The following CNTN5 variants were observed in gnomAD, a reference collection of about 807,000 sequenced individuals.
The protein encoded by CNTN5 is contactin-5.
CNTN5 carries 77 observed loss-of-function variants against 129.1 expected under a neutral mutation model. The observed-to-expected ratio is 0.60, with a 90% CI of 0.50 to 0.72. CNTN5 has a LOEUF of 0.72. Among genes scored for constraint, CNTN5 ranks in the 30% least tolerant of loss-of-function variants. CNTN5 has a pLI of 0.00. For synonymous variants in CNTN5, 509 were observed against 465.6 expected, an observed-to-expected ratio of 1.09 and a Z score of -1.20; for missense variants, 1,478 against 1,328.8, an observed-to-expected ratio of 1.11 and a Z score of -1.75.
At chr11:99,891,398 G>T (rs1949055055) in intron 6 of CNTN5, among the ~76,000 whole-genome samples, 1 of 151,882 alleles carries the variant, frequency 6.6e-6, no homozygotes, top group Non-Finnish European at 1.5e-5. Context: ...TGTTACATAG[G>T]TATACACGTG....
At chr11:100,131,260 G>GTGA (rs1946369705) in intron 13 of CNTN5, among the ~76,000 whole-genome samples, 1 of 152,136 alleles carries the variant, frequency 6.6e-6, no homozygotes, top group African/African-American at 2.4e-5. Flanking sequence ...GCATGGACTA[G>GTGA]TGAGCTAGTG....
chr11:99,755,365 G>A (rs1944372812), intron 3 of CNTN5, among the ~76,000 whole-genome samples: 5 of 152,126 alleles, frequency 3.3e-5, no homozygotes, highest in Admixed American at 2.6e-4. Context: ...AATTCCTGTT[G>A]CTTCACATTC....
At chr11:99,697,822 T>C (rs1308855477) in intron 3 of CNTN5, among the ~76,000 whole-genome samples, 2 of 151,704 alleles carry the variant, frequency 1.3e-5, no homozygotes, top group African/African-American at 4.8e-5. Context: ...AAACCTATTG[T>C]TAAAAAGCTT....
At chr11:99,101,424 A>G (rs1438513494) in intron 1 of CNTN5, among the ~76,000 whole-genome samples, 4 of 152,196 alleles carry the variant, frequency 2.6e-5, no homozygotes, top group Non-Finnish European at 5.9e-5. Context: ...TCAAAAGTCT[A>G]CAGTCCAAAG....
chr11:99,595,237 C>A (rs140132157), intron 3 of CNTN5, among the ~76,000 whole-genome samples: 1 of 151,950 alleles, frequency 6.6e-6, no homozygotes, highest in Non-Finnish European at 1.5e-5. Context: ...AAAAGGTAAA[C>A]GTTTAAAGTG....
chr11:99,055,431 C>T (rs778561936), intron 1 of CNTN5, among the ~76,000 whole-genome samples: 13 of 152,034 alleles, frequency 8.6e-5, no homozygotes, highest in Middle Eastern at 6.8e-3. Context: ...TAACTGAGTA[C>T]AATTTACTCT....
intron 1 of CNTN5, among the ~76,000 whole-genome samples, chr11:99,095,197 T>C (rs923636734): frequency 9.9e-5 from 15 of 152,036 alleles, no homozygotes; most frequent in African/African-American, 2.4e-4. Context: ...ATATGATTGA[T>C]GCAAAACAAA....
intron 8 of CNTN5, among the ~76,000 whole-genome samples, chr11:99,996,047 A>T (rs1035340): frequency 0.3 from 45,128 of 152,012 alleles, 7,131 homozygotes; most frequent in African/African-American, 0.39. Context: ...GAAGCTCATC[A>T]GCATTTCTAC....
At chr11:99,362,357 G>A (rs1378984850) in intron 2 of CNTN5, among the ~76,000 whole-genome samples, 1 of 151,658 alleles carries the variant, frequency 6.6e-6, no homozygotes, top group African/African-American at 2.4e-5. Context: ...TGAGTTATAG[G>A]TTCTTTATAT....
intron 2 of CNTN5, among the ~76,000 whole-genome samples, chr11:99,490,032 C>A (rs1945975151): frequency 6.6e-6 from 1 of 152,158 alleles, no homozygotes; most frequent in African/African-American, 2.4e-5. Context: ...AGAATTCAGA[C>A]ACGTTATTTC....
chr11:99,290,249 A>G (rs1864113547), intron 1 of CNTN5, among the ~76,000 whole-genome samples: 1 of 151,866 alleles, frequency 6.6e-6, no homozygotes, highest in Non-Finnish European at 1.5e-5. Flanking sequence ...GAAGATATGG[A>G]AGCTTGCATA....
chr11:99,481,102 TA>T (rs1043295082), intron 2 of CNTN5, among the ~76,000 whole-genome samples: 18 of 149,902 alleles, frequency 1.2e-4, no homozygotes, highest in Middle Eastern at 3.4e-3. Context: ...GATTGGCATT[TA>T]AAAAAAAAAG....
At chr11:99,191,128 T>A (rs138649163) in intron 1 of CNTN5, among the ~76,000 whole-genome samples, 1 of 151,834 alleles carries the variant, frequency 6.6e-6, no homozygotes, top group Non-Finnish European at 1.5e-5. Flanking sequence ...ATTCTGTTGA[T>A]GTGTGTACCA....
intron 3 of CNTN5, among the ~76,000 whole-genome samples, chr11:99,639,567 T>G (rs917924635): frequency 7.2e-6 from 1 of 139,474 alleles, no homozygotes; most frequent in East Asian, 2.1e-4. Context: ...ATGTTTTTTT[T>G]TTTTTTTTTT....
At chr11:99,473,711 A>G (rs1945264156) in intron 2 of CNTN5, among the ~76,000 whole-genome samples, 2 of 152,178 alleles carry the variant, frequency 1.3e-5, no homozygotes, top group South Asian at 4.1e-4. Flanking sequence ...TTAAAGTAAA[A>G]GCACATTTCA....
chr11:99,932,767 T>A (rs1311470924), intron 7 of CNTN5, among the ~76,000 whole-genome samples: 1 of 152,180 alleles, frequency 6.6e-6, no homozygotes, highest in Non-Finnish European at 1.5e-5. Flanking sequence ...ATGATGATGA[T>A]GCCCTCTTCA....
At chr11:99,728,310 A>G (rs554063480) in intron 3 of CNTN5, among the ~76,000 whole-genome samples, 1 of 152,298 alleles carries the variant, frequency 6.6e-6, no homozygotes, top group South Asian at 2.1e-4. Context: ...GATAAATCTT[A>G]AGGCCTTGAT....
intron 13 of CNTN5, among the ~76,000 whole-genome samples, chr11:100,096,090 A>T (rs1424905483): frequency 6.6e-6 from 1 of 152,058 alleles, no homozygotes; most frequent in Non-Finnish European, 1.5e-5. Flanking sequence ...AGTTAGAAGG[A>T]TCCTTTGCTT....
chr11:100,358,502 A>G lies in CNTN5; in HGVS notation c.*2282A>G, dbSNP rs1017488296. ...CAATGTTTATGTACTTATGTGCTGC[A>G]TATCTGTTACTTTGTAGAAACCAGA... On this transcript the variant is annotated 3_prime_UTR_variant, in exon 25 of 25. Coordinates refer to ENST00000524871, the MANE Select transcript of CNTN5 (RefSeq NM_014361.4). 2 of 151,910 alleles carry G rather than the reference A, an allele frequency of 1.3e-5. No individual in the cohort carries two copies. Among genetic ancestry groups the G allele is most frequent in the African/African-American group, 4.8e-5 (2 of 41,428 alleles). 9.4% of individuals were successfully genotyped at this position (151,910 alleles called of 1,614,324 possible).
Sources: gnomAD v4.1 joint callset for allele counts (sites outside exome capture counted in the v4.1 genomes callset) on GRCh38, gnomAD v4.1.1 for gene constraint, MANE v1.5 for transcripts, NCBI Gene and HGNC (gene_info 2026-07-23, HGNC 2026-07-21) for gene names.